PPP2R2C: variants seen among roughly 807,000 people sequenced by gnomAD.
PPP2R2C encodes the protein protein phosphatase 2 regulatory subunit Bgamma.
Under a neutral mutation model 45.3 loss-of-function variants are expected in PPP2R2C, and 10 were observed. The ratio of observed to expected loss-of-function variants is 0.22; its 90% CI spans 0.14 to 0.37. PPP2R2C has a LOEUF of 0.37. Ranked by LOEUF, PPP2R2C falls within the 10% of genes least tolerant of loss-of-function variation. The pLI, the probability that PPP2R2C is intolerant of heterozygous loss-of-function variation, is 1.00. For missense variants in PPP2R2C, 308 were observed against 619.7 expected (o/e 0.50, Z 5.34); for synonymous variants, 257 against 245.4 (o/e 1.05, Z -0.44).
At chr4:6,554,307 C>T (rs1359581337) in intron 1 of PPP2R2C, among the ~76,000 whole-genome samples, 1 of 152,152 alleles carries the variant, frequency 6.6e-6, no homozygotes, top group Non-Finnish European at 1.5e-5. Flanking sequence ...ACACCATCTA[C>T]AAGCCAAAGA....
At chr4:6,369,126 G>A (rs771350123) in intron 5 of PPP2R2C, among the ~76,000 whole-genome samples, 5 of 152,200 alleles carry the variant, frequency 3.3e-5, no homozygotes, top group South Asian at 2.1e-4. Context: ...AGGCTGCAGC[G>A]TCCTTGTTCA....
At chr4:6,361,619 C>G (rs1377166867) in intron 5 of PPP2R2C, among the ~76,000 whole-genome samples, 2 of 152,258 alleles carry the variant, frequency 1.3e-5, no homozygotes, top group African/African-American at 4.8e-5. Flanking sequence ...GTCTTTCTCT[C>G]CCTCTGGGAA....
chr4:6,343,188 C>T (rs973604034), intron 6 of PPP2R2C, among the ~76,000 whole-genome samples: 9 of 152,168 alleles, frequency 5.9e-5, no homozygotes, highest in Non-Finnish European at 2.9e-5. Flanking sequence ...ATGAGAGCCA[C>T]AGAGCAAAAA....
At chr4:6,534,869 C>T (rs1052041036) in intron 2 of PPP2R2C, among the ~76,000 whole-genome samples, 2 of 152,254 alleles carry the variant, frequency 1.3e-5, no homozygotes, top group Non-Finnish European at 2.9e-5. Flanking sequence ...AGTCACTGTC[C>T]GCTTGCCCAC....
chr4:6,493,898 T>C (rs1438499918), intron 2 of PPP2R2C, among the ~76,000 whole-genome samples: 1 of 152,154 alleles, frequency 6.6e-6, no homozygotes, highest in Non-Finnish European at 1.5e-5. Flanking sequence ...CAGCCATAAA[T>C]CAACAGAACA....
intron 1 of PPP2R2C, chr4:6,382,208 G>C: frequency 8.3e-7 from 1 of 1,202,812 alleles, no homozygotes. Context: ...ATCCCCATAG[G>C]CCCAAGCAGC....
intron 1 of PPP2R2C, among the ~76,000 whole-genome samples, chr4:6,394,986 AG>A (rs1716923004): frequency 6.6e-6 from 1 of 152,252 alleles, no homozygotes; most frequent in South Asian, 2.1e-4. Context: ...CAGAGCCAGC[AG>A]CCCCCCTCCG....
At chr4:6,357,197 G>A (rs1224680071) in intron 5 of PPP2R2C, among the ~76,000 whole-genome samples, 1 of 152,088 alleles carries the variant, frequency 6.6e-6, no homozygotes, top group Non-Finnish European at 1.5e-5. Context: ...GGGAGCAGGA[G>A]GAGAAAGTCA....
intron 5 of PPP2R2C, 150 bp downstream of exon 5, chr4:6,372,373 A>G: frequency 1.3e-6 from 1 of 790,082 alleles, no homozygotes; most frequent in Non-Finnish European, 2.0e-6. Flanking sequence ...TGGGCCTCAC[A>G]CGCATACTAG....
intron 1 of PPP2R2C, chr4:6,414,119 T>TACAG: frequency 9.0e-7 from 1 of 1,106,030 alleles, no homozygotes. Context: ...TGTGTGTGTG[T>TACAG]GTGTACAGGT....
intron 1 of PPP2R2C, among the ~76,000 whole-genome samples, chr4:6,386,499 G>A (rs1478764355): frequency 6.6e-6 from 1 of 152,178 alleles, no homozygotes; most frequent in African/African-American, 2.4e-5. Context: ...CCCAGCCAGG[G>A]CTAGAAGAAG....
rs923790853 is a variant in PPP2R2C, at chr4:6,406,604, A to C, written c.71-25510T>G. Among the ~76,000 whole-genome samples the C allele has an allele frequency of 1.5e-3, 234 of 152,090 alleles. 1 individual carries two copies. Among genetic ancestry groups the C allele is most frequent in the African/African-American group, 5.4e-3 (224 of 41,496 alleles). On this transcript the variant is annotated intron_variant, in intron 1 of 8. Transcript: ENST00000382599. ...TCTCTACTAAAGAAAAAGCCAAAAAAAAAATAGCTGGGTATGGTGGCACGC... is the reference window on the plus strand; with the variant it reads ...TCTCTACTAAAGAAAAAGCCAAAAACAAAATAGCTGGGTATGGTGGCACGC...
intron 2 of PPP2R2C, among the ~76,000 whole-genome samples, chr4:6,516,577 C>T (rs1723834940): frequency 6.6e-6 from 1 of 152,230 alleles, no homozygotes; most frequent in African/African-American, 2.4e-5. Context: ...ATGACTCCTC[C>T]TCCCAGGCCC....
At chr4:6,545,642 GA>G (rs1434595323) in intron 1 of PPP2R2C, among the ~76,000 whole-genome samples, 4 of 152,176 alleles carry the variant, frequency 2.6e-5, no homozygotes, top group Non-Finnish European at 5.9e-5. Context: ...GCACCTCTCT[GA>G]CATCAGTTTC....
intron 2 of PPP2R2C, among the ~76,000 whole-genome samples, chr4:6,506,597 G>C (rs907918053): frequency 1.3e-5 from 2 of 152,196 alleles, no homozygotes; most frequent in African/African-American, 4.8e-5. Context: ...CAGGACACAG[G>C]AGATAGGAAA....
In PPP2R2C at chr4:6,378,274, C is replaced by T. The variant is rs373279342; in HGVS notation, c.334+133G>A. Reference sequence around the variant, plus strand: ...TCACTCATGGGATTTATATGCTGCTCAAAAAGGATATTATTTTCTAGGCGT... The same window carrying T: ...TCACTCATGGGATTTATATGCTGCTTAAAAAGGATATTATTTTCTAGGCGT... On this transcript the variant is annotated intron_variant, in intron 3 of 8. Coordinates refer to ENST00000382599, the MANE Select transcript of PPP2R2C (RefSeq NM_020416.4). This position sits in a 1 kb window ranked among gnomAD's most constrained non-coding sequence, Gnocchi z 5.2. The T allele has an allele frequency of 2.0e-6, 3 of 1,521,506 alleles. No individual in the cohort carries two copies. The highest frequency in any genetic ancestry group is 2.6e-5 in the South Asian group (2 of 78,310). 94.3% of individuals were successfully genotyped at this position (1,521,506 alleles called of 1,614,324 possible). A position where few individuals can be genotyped will look rare whatever the true frequency, so the allele number is the denominator to read the frequency against.
At chr4:6,387,258 C>T (rs1036861390) in intron 1 of PPP2R2C, among the ~76,000 whole-genome samples, 1 of 152,156 alleles carries the variant, frequency 6.6e-6, no homozygotes, top group Non-Finnish European at 1.5e-5. Flanking sequence ...GCTTAGCTAA[C>T]TCCAAGCAGG....
intron 5 of PPP2R2C, among the ~76,000 whole-genome samples, chr4:6,359,156 T>C (rs1041323326): frequency 1.3e-5 from 2 of 152,252 alleles, no homozygotes; most frequent in Non-Finnish European, 2.9e-5. Flanking sequence ...CATTGAATAC[T>C]ATGCAGCCAT....
At chr4:6,352,075 G>A (rs990702947) in intron 5 of PPP2R2C, among the ~76,000 whole-genome samples, 5 of 152,158 alleles carry the variant, frequency 3.3e-5, no homozygotes, top group African/African-American at 9.7e-5. Flanking sequence ...CTCAGCTACC[G>A]TGAACACAGC....
Sources: gnomAD v4.1 joint callset for allele counts (sites outside exome capture counted in the v4.1 genomes callset) on GRCh38, gnomAD v4.1.1 for gene constraint, Gnocchi (gnomAD v3.1) non-coding constraint, MANE v1.5 for transcripts, NCBI Gene and HGNC (gene_info 2026-07-23, HGNC 2026-07-21) for gene names.